UBE2E2: variants seen among roughly 807,000 people sequenced by gnomAD.
The protein encoded by UBE2E2 is ubiquitin conjugating enzyme E2 E2.
UBE2E2 carries 6 observed loss-of-function variants against 24.7 expected under a neutral mutation model. The observed-to-expected ratio is 0.24, with a 90% CI of 0.13 to 0.48. The LOEUF (loss-of-function observed/expected upper bound fraction) is 0.48, where lower values mean the gene tolerates loss of function less well. UBE2E2 is among the 20% of genes least tolerant of loss of function. The pLI, the probability that UBE2E2 is intolerant of heterozygous loss-of-function variation, is 0.99. For synonymous variants in UBE2E2, 104 were observed against 83.6 expected (o/e 1.24, Z -1.33); for missense variants, 169 against 245.0 (o/e 0.69, Z 2.07).
chr3:23,412,896 A>G (rs1697526683), intron 3 of UBE2E2, among the ~76,000 whole-genome samples: 1 of 152,166 alleles, frequency 6.6e-6, no homozygotes, highest in Non-Finnish European at 1.5e-5. Context: ...AAGCATTATC[A>G]TTCCTTTTTA....
intron 3 of UBE2E2, among the ~76,000 whole-genome samples, chr3:23,462,494 T>G (rs1381659198): frequency 6.6e-6 from 1 of 152,144 alleles, no homozygotes. Flanking sequence ...TTTCACATCT[T>G]TGCTATTCAC....
chr3:23,541,709 A>G (rs567079241), intron 5 of UBE2E2, among the ~76,000 whole-genome samples: 3 of 152,208 alleles, frequency 2.0e-5, no homozygotes, highest in Non-Finnish European at 4.4e-5. Flanking sequence ...CACCGCCCCA[A>G]TTCAGCACTG....
At chr3:23,490,865 A>G (rs966371471) in intron 3 of UBE2E2, among the ~76,000 whole-genome samples, 8 of 152,222 alleles carry the variant, frequency 5.3e-5, no homozygotes, top group Non-Finnish European at 1.0e-4. Flanking sequence ...TTGGTGAAAG[A>G]TAGCCAAAAT....
chr3:23,289,008 A>T (rs1021462428), intron 3 of UBE2E2, among the ~76,000 whole-genome samples: 1 of 152,224 alleles, frequency 6.6e-6, no homozygotes, highest in Non-Finnish European at 1.5e-5. Context: ...ATATGAAGTT[A>T]AAAACCAGGT....
At chr3:23,514,401 C>A (rs1219760836) in intron 4 of UBE2E2, among the ~76,000 whole-genome samples, 3 of 152,142 alleles carry the variant, frequency 2.0e-5, no homozygotes. Flanking sequence ...GTATCCTTAA[C>A]ACTTCTGAAA....
intron 3 of UBE2E2, among the ~76,000 whole-genome samples, chr3:23,363,379 G>A (rs987324869): frequency 3.9e-5 from 6 of 152,150 alleles, no homozygotes; most frequent in African/African-American, 1.4e-4. Flanking sequence ...AAGCAAGATC[G>A]AACTGTATCC....
chr3:23,328,216 T>TA (rs1477048301), intron 3 of UBE2E2, among the ~76,000 whole-genome samples: 1 of 152,144 alleles, frequency 6.6e-6, no homozygotes, highest in African/African-American at 2.4e-5. Context: ...ATTTGCAAAA[T>TA]AAAAAATTAC....
intron 3 of UBE2E2, 65 bp from the exon 4 acceptor site, chr3:23,499,543 G>T: frequency 1.5e-5 from 23 of 1,553,398 alleles, no homozygotes; most frequent in Non-Finnish European, 2.0e-5. Context: ...ATCATAAATA[G>T]ATTTTGTTAA....
chr3:23,468,015 C>T (rs1453101059), intron 3 of UBE2E2, among the ~76,000 whole-genome samples: 1 of 152,172 alleles, frequency 6.6e-6, no homozygotes, highest in Non-Finnish European at 1.5e-5. Flanking sequence ...CCAGGTCCCT[C>T]CTCCAACACT....
chr3:23,394,242 A>G (rs1697022225), intron 3 of UBE2E2, among the ~76,000 whole-genome samples: 1 of 152,198 alleles, frequency 6.6e-6, no homozygotes, highest in Non-Finnish European at 1.5e-5. Flanking sequence ...TTTTGTAACA[A>G]GTTTTGGAGA....
chr3:23,301,176 T>C (rs143257598), intron 3 of UBE2E2, among the ~76,000 whole-genome samples: 3 of 152,336 alleles, frequency 2.0e-5, no homozygotes, highest in African/African-American at 7.2e-5. Context: ...ATTCTAGTTA[T>C]CCATTCGTCT....
chr3:23,523,381 GAGAA>G (rs1675376722), intron 4 of UBE2E2, among the ~76,000 whole-genome samples: 1 of 152,168 alleles, frequency 6.6e-6, no homozygotes, highest in African/African-American at 2.4e-5. Flanking sequence ...AAAGGAAACT[GAGAA>G]AGACTTTTTT....
intron 5 of UBE2E2, among the ~76,000 whole-genome samples, chr3:23,585,082 A>G (rs1696587064): frequency 6.6e-6 from 1 of 152,124 alleles, no homozygotes; most frequent in Non-Finnish European, 1.5e-5. Flanking sequence ...GTTAACAAAA[A>G]TGCCATGATG....
intron 3 of UBE2E2, among the ~76,000 whole-genome samples, chr3:23,485,348 G>A (rs1017832675): frequency 1.3e-5 from 2 of 151,870 alleles, no homozygotes; most frequent in Non-Finnish European, 2.9e-5. Flanking sequence ...CACCCACCTC[G>A]GTCCTCCCAA....
intron 3 of UBE2E2, among the ~76,000 whole-genome samples, chr3:23,422,582 C>T (rs553401503): frequency 6.6e-6 from 1 of 152,222 alleles, no homozygotes; most frequent in African/African-American, 2.4e-5. Context: ...AGTCCTCAGC[C>T]CTATGTTGGA....
chr3:23,417,980 T>G (rs1021461638), intron 3 of UBE2E2, among the ~76,000 whole-genome samples: 2 of 152,202 alleles, frequency 1.3e-5, no homozygotes, highest in Non-Finnish European at 2.9e-5. Context: ...CCAGTGGATC[T>G]TAGCTTGCTG....
chr3:23,500,760 G>A (rs1319023058), intron 4 of UBE2E2, among the ~76,000 whole-genome samples: 2 of 152,070 alleles, frequency 1.3e-5, no homozygotes, highest in Admixed American at 1.3e-4. Flanking sequence ...CTTAGATAGT[G>A]TTACCAAAGC....
At chr3:23,570,249 T>G (rs2125511623) in intron 5 of UBE2E2, among the ~76,000 whole-genome samples, 1 of 152,306 alleles carries the variant, frequency 6.6e-6, no homozygotes, top group South Asian at 2.1e-4. Flanking sequence ...GTTGTCATCT[T>G]CCTGCATCTT....
At chr3:23,421,418 A>G (rs761667631) in intron 3 of UBE2E2, among the ~76,000 whole-genome samples, 1 of 152,234 alleles carries the variant, frequency 6.6e-6, no homozygotes, top group Non-Finnish European at 1.5e-5. Flanking sequence ...AATACTATTC[A>G]GCCATAAAAA....
Sources: gnomAD v4.1 joint callset for allele counts (sites outside exome capture counted in the v4.1 genomes callset) on GRCh38, gnomAD v4.1.1 for gene constraint, MANE v1.5 for transcripts, NCBI Gene and HGNC (gene_info 2026-07-23, HGNC 2026-07-21) for gene names.